MARCHF10: variants seen among roughly 807,000 people sequenced by gnomAD.
MARCHF10 encodes probable E3 ubiquitin-protein ligase MARCHF10.
MARCHF10 carries 64 observed loss-of-function variants against 76.2 expected under a neutral mutation model. The observed-to-expected ratio is 0.84, with a 90% CI of 0.69 to 1.03. MARCHF10 has a LOEUF of 1.03. MARCHF10 is among the 50% of genes least tolerant of loss of function. The probability of loss-of-function intolerance (pLI) is 0.00; values close to 1 mark genes in which losing one functional copy is unlikely to be tolerated. For missense variants in MARCHF10, 875 were observed against 958.0 expected (o/e 0.91, Z 1.14); for synonymous variants, 340 against 357.5 (o/e 0.95, Z 0.55).
intron 6 of MARCHF10, among the ~76,000 whole-genome samples, chr17:62,733,013 G>GACAACAT (rs1239728088): frequency 9.0e-6 from 1 of 110,534 alleles, no homozygotes; most frequent in East Asian, 2.5e-4. Flanking sequence ...AAAAAAAAAA[G>GACAACAT]ACAACATAAA....
intron 8 of MARCHF10, among the ~76,000 whole-genome samples, chr17:62,715,905 C>T (rs754225823): frequency 6.6e-5 from 10 of 152,146 alleles, no homozygotes; most frequent in Non-Finnish European, 1.0e-4. Context: ...CGTGCTCTGA[C>T]GGGAGCCCCT....
chr17:62,780,266 T>C (rs549198032), intron 3 of MARCHF10, among the ~76,000 whole-genome samples: 2 of 152,344 alleles, frequency 1.3e-5, no homozygotes, highest in East Asian at 3.9e-4. Context: ...GCCACTGTAT[T>C]GAAAGGCACA....
chr17:62,703,768 G>C (rs1326599263), intron 10 of MARCHF10, among the ~76,000 whole-genome samples: 1 of 152,248 alleles, frequency 6.6e-6, no homozygotes, highest in Non-Finnish European at 1.5e-5. Context: ...AGGGCGGCAG[G>C]TTCCCTGCCT....
chr17:62,737,003 C>T lies in MARCHF10; in HGVS notation c.865G>A (p.Asp289Asn), dbSNP rs749937792. ...ILSLNSRRES[D>N]DTEEETQSEE... ...GACTGGGTTTCCTCTTCAGTGTCAT[C>T]GCTTTCTCTTCTGCTGTTCAATGAC... Residue 289 changes from aspartate to asparagine, a missense_variant, in exon 6 of 11, where the codon GAT becomes AAT. Coordinates refer to ENST00000311269, the MANE Select transcript of MARCHF10 (RefSeq NM_152598.4). 43 of 1,614,012 alleles carry T rather than the reference C, an allele frequency of 2.7e-5. No homozygotes were observed. Among genetic ancestry groups the T allele is most frequent in the Middle Eastern group, 1.6e-4 (1 of 6,084 alleles).
intron 2 of MARCHF10, 32 bp from the exon 3 acceptor site, chr17:62,788,631 T>C (rs1440767327): frequency 1.2e-6 from 2 of 1,612,670 alleles, no homozygotes; most frequent in Admixed American, 1.7e-5. Flanking sequence ...ATGTTTGTCT[T>C]AGGACCATGG....
chr17:62,788,550 C>T lies in MARCHF10; in HGVS notation c.140G>A (p.Arg47His), dbSNP rs200380804. The change falls in exon 3 of 11, where the codon CGC becomes CAC. Residue 47 changes from arginine (R) to histidine (H), a missense_variant. Coordinates refer to ENST00000311269, the MANE Select transcript of MARCHF10 (RefSeq NM_152598.4). ...EYRRDPNEKK[R>H]DQFWGQETSF... ...TGTCTCTTGCCCCCAAAACTGATCG[C>T]GTTTCTTCTCATTTGGGTCTCTTCT... 90 of 1,614,122 alleles carry T rather than the reference C, an allele frequency of 5.6e-5. No homozygotes were observed. The East Asian group carries it at 7.1e-4, about 13-fold the overall frequency.
Position 62,807,150 on chromosome 17 carries a change from T to C in MARCHF10, c.-18+927A>G, listed in dbSNP as rs555675096. 2.2e-4 allele frequency among the ~76,000 whole-genome samples: 34 copies of C among 152,354 alleles called. No individual in the cohort carries two copies. In the South Asian group the frequency reaches 7.0e-3, roughly 32 times the overall value. Reference sequence around the variant, plus strand: ...ACCTTTTCCCCAATTGATTAATTTGTAATGTCAGACATTATAGGATTTGTT... The same window carrying C: ...ACCTTTTCCCCAATTGATTAATTTGCAATGTCAGACATTATAGGATTTGTT... On this transcript the variant is annotated intron_variant, in intron 1 of 10. Transcript: ENST00000311269.
chr17:62,729,416 TA>T (rs2090915195), intron 6 of MARCHF10, among the ~76,000 whole-genome samples: 1 of 149,722 alleles, frequency 6.7e-6, no homozygotes, highest in South Asian at 2.1e-4. Flanking sequence ...GGATGGGCAA[TA>T]AAAAATTTTG....
intron 3 of MARCHF10, among the ~76,000 whole-genome samples, chr17:62,772,745 C>T (rs1017860470): frequency 6.6e-6 from 1 of 152,130 alleles, no homozygotes; most frequent in African/African-American, 2.4e-5. Context: ...CTAATGAAAT[C>T]TCAGCATATT....
At chr17:62,740,956 T>C (rs1266347884) in intron 5 of MARCHF10, among the ~76,000 whole-genome samples, 1 of 152,188 alleles carries the variant, frequency 6.6e-6, no homozygotes, top group Non-Finnish European at 1.5e-5. Flanking sequence ...AATGAATTTA[T>C]TACCTTTAGG....
intron 2 of MARCHF10, among the ~76,000 whole-genome samples, chr17:62,801,092 T>G (rs2148209241): frequency 1.2e-5 from 1 of 86,138 alleles, no homozygotes; most frequent in East Asian, 4.5e-4. Flanking sequence ...TTTACAGTGT[T>G]TATTTCATTT....
chr17:62,783,932 T>G (rs186409068), intron 3 of MARCHF10, among the ~76,000 whole-genome samples: 274 of 152,308 alleles, frequency 1.8e-3, no homozygotes, highest in African/African-American at 6.4e-3. Context: ...CACAGCCGAA[T>G]TCTACCAGAG....
At chr17:62,725,701 C>T (rs1246511194) in intron 6 of MARCHF10, among the ~76,000 whole-genome samples, 1 of 152,200 alleles carries the variant, frequency 6.6e-6, no homozygotes, top group Non-Finnish European at 1.5e-5. Context: ...GAGTCAAGGC[C>T]AGGAGCCCCT....
chr17:62,747,968 T>C (rs1371296125), intron 4 of MARCHF10, among the ~76,000 whole-genome samples: 1 of 152,246 alleles, frequency 6.6e-6, no homozygotes, highest in African/African-American at 2.4e-5. Flanking sequence ...TTGGCTGCAC[T>C]GCTGACTTCT....
In MARCHF10 at chr17:62,737,251, G is replaced by A. The variant is rs138762803; in HGVS notation, c.617C>T (p.Ser206Leu). The A allele has an allele frequency of 2.6e-4, 412 of 1,613,938 alleles. 1 individual carries two copies. In the African/African-American group the frequency reaches 4.4e-3, roughly 17 times the overall value. Residue 206 changes from serine (S) to leucine (L), a missense_variant, in exon 6 of 11, where the codon TCG (serine) becomes TTG (leucine). Transcript: ENST00000311269. ...PNQERRNLVP[S>L]SQPMTENAPD... ...GGCGTTCTCAGTCATTGGCTGTGAC[G>A]ATGGGACCAAGTTTCTTCTCTCTTG...
At chr17:62,746,074 T>C (rs528027085) in intron 4 of MARCHF10, among the ~76,000 whole-genome samples, 2 of 152,254 alleles carry the variant, frequency 1.3e-5, no homozygotes, top group Non-Finnish European at 2.9e-5. Context: ...TTCCAGAGTG[T>C]AAGTTGTAGT....
intron 4 of MARCHF10, among the ~76,000 whole-genome samples, chr17:62,755,006 C>T (rs1021717477): frequency 2.6e-5 from 4 of 152,182 alleles, no homozygotes; most frequent in Non-Finnish European, 4.4e-5. Flanking sequence ...TGTCTCTTAA[C>T]ATCTGAATGC....
In MARCHF10 at chr17:62,805,861, A is replaced by G. The variant is rs1333310355; in HGVS notation, c.-18+2216T>C. Among the ~76,000 whole-genome samples the G allele has an allele frequency of 2.6e-5, 4 of 152,026 alleles. No individual in the cohort carries two copies. The East Asian group carries it at 7.7e-4, about 29-fold the overall frequency. ...TGGAAGGCGGAGGTTGCAGTGAGCC[A>G]AGATCGCACCACTGCACTCCAGAGA... On this transcript the variant is annotated intron_variant, in intron 1 of 10. Transcript: ENST00000311269.
Position 62,716,849 on chromosome 17 carries a change from T to C in MARCHF10, c.2215-5505A>G, listed in dbSNP as rs148858201. Among the ~76,000 whole-genome samples, 457 of 152,308 alleles carry C rather than the reference T, an allele frequency of 3.0e-3. 2 individuals are homozygous for C. The highest frequency in any genetic ancestry group is 0.01 in the African/African-American group (434 of 41,576). On this transcript the variant is annotated intron_variant, in intron 8 of 10. Transcript: ENST00000311269. ...GTACATGTCTAGACTTGTACACGTC[T>C]AGAAGTGGTGCCACTTCTCCAGAAA...
Sources: allele counts gnomAD v4.1 joint callset (sites outside exome capture counted in the v4.1 genomes callset), GRCh38; gene constraint gnomAD v4.1.1; transcripts MANE v1.5; gene names NCBI Gene and HGNC (gene_info 2026-07-23, HGNC 2026-07-21).